PKP4: variants seen among roughly 807,000 people sequenced by gnomAD.
PKP4 encodes plakophilin 4.
PKP4 carries 90 observed loss-of-function variants against 145.1 expected under a neutral mutation model. That is an observed-to-expected ratio of 0.62 (90% CI 0.52 to 0.74). The LOEUF (loss-of-function observed/expected upper bound fraction) is 0.74, where lower values mean the gene tolerates loss of function less well. PKP4 is among the 30% of genes least tolerant of loss of function. The pLI is 0.00. For missense variants in PKP4, 1,340 were observed against 1,482.7 expected, an observed-to-expected ratio of 0.90 and a Z score of 1.58; for synonymous variants, 563 against 577.2, an observed-to-expected ratio of 0.98 and a Z score of 0.35.
At chr2:158,623,903 G>A (rs2052506611) in intron 6 of PKP4, among the ~76,000 whole-genome samples, 1 of 152,118 alleles carries the variant, frequency 6.6e-6, no homozygotes, top group Non-Finnish European at 1.5e-5. Context: ...GTTTCCCTTG[G>A]GCCCCTTCTC....
chr2:158,671,201 G>C (rs2057527621), intron 17 of PKP4, among the ~76,000 whole-genome samples: 1 of 152,070 alleles, frequency 6.6e-6, no homozygotes, highest in Non-Finnish European at 1.5e-5. Flanking sequence ...GACAGTGCTG[G>C]AACTCACATT....
rs1393533998 is a variant in PKP4, at chr2:158,526,005, C to G, written c.-5-7175C>G. Among the ~76,000 whole-genome samples the G allele has an allele frequency of 2.0e-5, 3 of 151,160 alleles. No homozygotes were observed. In the East Asian group the frequency reaches 6.0e-4, roughly 30 times the overall value. On this transcript the variant is annotated intron_variant, in intron 1 of 21. Transcript: ENST00000389759. Reference sequence around the variant, plus strand: ...TGGCAATAATCAATAGTTTACCAACCAAAAAGAGTCCAGGACCAGATGGAT... The same window carrying G: ...TGGCAATAATCAATAGTTTACCAACGAAAAAGAGTCCAGGACCAGATGGAT...
In PKP4 at chr2:158,510,559, A is replaced by G. The variant is rs532599104; in HGVS notation, c.-5-22621A>G. The stretch of plus-strand genomic sequence containing the variant: ...GAACACATTAATGAATGTCTTCTTA[A>G]GGATGAGGCACTTGCAAAGTGCCTG... On this transcript the variant is annotated intron_variant, in intron 1 of 21. Coordinates refer to ENST00000389759, the MANE Select transcript of PKP4 (RefSeq NM_003628.6). Among the ~76,000 whole-genome samples the G allele has an allele frequency of 1.3e-4, 20 of 152,356 alleles. 1 individual carries two copies. In the South Asian group the frequency reaches 3.3e-3, roughly 25 times the overall value.
At chr2:158,608,129 T>C (rs2050803995) in intron 4 of PKP4, among the ~76,000 whole-genome samples, 1 of 152,238 alleles carries the variant, frequency 6.6e-6, no homozygotes, top group African/African-American at 2.4e-5. Flanking sequence ...GTGATTATTA[T>C]GCATTACATG....
At chr2:158,635,525 C>T (rs1018748891) in intron 9 of PKP4, among the ~76,000 whole-genome samples, 3 of 152,112 alleles carry the variant, frequency 2.0e-5, no homozygotes, top group Non-Finnish European at 2.9e-5. Context: ...GTAATTTAGA[C>T]CATCCCTTGG....
chr2:158,673,726 T>C lies in PKP4; in HGVS notation c.2974T>C (p.Trp992Arg). 6.2e-7 allele frequency: 1 copy of C among 1,613,398 alleles called. No individual in the cohort carries two copies. The highest frequency in any genetic ancestry group is 8.5e-7 in the Non-Finnish European group (1 of 1,179,516). ...KAAAQVLNTL[W>R]QYRDLRSIYK... ...AGCAGCCCAGGTCTTGAATACATTA[T>C]GGCAATATCGGGACCTCCGGAGCAT... Residue 992 changes from tryptophan to arginine, a missense_variant, in exon 18 of 22, where the codon TGG (tryptophan) becomes CGG (arginine). Coordinates refer to ENST00000389759, the MANE Select transcript of PKP4 (RefSeq NM_003628.6).
intron 7 of PKP4, among the ~76,000 whole-genome samples, chr2:158,628,335 C>A (rs59277016): frequency 0.068 from 10,302 of 152,160 alleles, 857 homozygotes; most frequent in African/African-American, 0.19. Flanking sequence ...ATTCCAGTTT[C>A]AATAATAGTA....
intron 11 of PKP4, among the ~76,000 whole-genome samples, chr2:158,652,878 A>G (rs1325824876): frequency 6.6e-6 from 1 of 152,176 alleles, no homozygotes; most frequent in Non-Finnish European, 1.5e-5. Flanking sequence ...AGCATCCATT[A>G]TCTCCTTGAT....
At chr2:158,640,827 T>C in intron 10 of PKP4, 68 bp downstream of exon 10, 2 of 1,542,184 alleles carry the variant, frequency 1.3e-6, no homozygotes, top group Non-Finnish European at 8.9e-7. Context: ...CACGTGCTTC[T>C]GTATTTAAGA....
intron 4 of PKP4, among the ~76,000 whole-genome samples, chr2:158,619,197 T>A (rs1288851559): frequency 6.6e-6 from 1 of 152,218 alleles, no homozygotes; most frequent in African/African-American, 2.4e-5. Flanking sequence ...TAAGAATGTT[T>A]AGAACTCTGG....
At chr2:158,639,190 TC>T (rs1342616602) in intron 9 of PKP4, among the ~76,000 whole-genome samples, 3 of 152,226 alleles carry the variant, frequency 2.0e-5, no homozygotes, top group Non-Finnish European at 4.4e-5. Flanking sequence ...AAAGGATAAC[TC>T]CTGTTATTGG....
intron 11 of PKP4, among the ~76,000 whole-genome samples, chr2:158,656,706 T>C (rs1361267597): frequency 6.6e-6 from 1 of 152,096 alleles, no homozygotes; most frequent in Non-Finnish European, 1.5e-5. Context: ...GTCCGACCAT[T>C]CCCTCCACAG....
intron 1 of PKP4, among the ~76,000 whole-genome samples, chr2:158,467,255 A>G (rs1486794967): frequency 1.3e-5 from 2 of 152,216 alleles, no homozygotes; most frequent in African/African-American, 4.8e-5. Flanking sequence ...CTTGAAAACT[A>G]TATTACAATG....
rs893628821 is a variant in PKP4, at chr2:158,612,957, C to T, written c.281-8033C>T. Among the ~76,000 whole-genome samples, 7 of 152,096 alleles carry T rather than the reference C, an allele frequency of 4.6e-5. 1 individual carries two copies. In the South Asian group the frequency reaches 1.4e-3, roughly 32 times the overall value. The stretch of plus-strand genomic sequence containing the variant: ...ATAGCTGGCTCAAAATGATCAGATA[C>T]ATTTTTCTATCATGAAAAATGCAAC... On this transcript the variant is annotated intron_variant, in intron 4 of 21. Coordinates refer to ENST00000389759, the MANE Select transcript of PKP4 (RefSeq NM_003628.6).
chr2:158,564,009 GTCTTT>G (rs1193036020), intron 2 of PKP4, among the ~76,000 whole-genome samples: 22 of 152,048 alleles, frequency 1.4e-4, no homozygotes, highest in African/African-American at 2.4e-4. Flanking sequence ...AATACTTCGT[GTCTTT>G]TCTTTTCTTT....
At chr2:158,655,406 A>G (rs1337080950) in intron 11 of PKP4, among the ~76,000 whole-genome samples, 2 of 148,588 alleles carry the variant, frequency 1.3e-5, no homozygotes, top group African/African-American at 2.5e-5. Flanking sequence ...GACAGAAACA[A>G]CAAAAAAAAA....
chr2:158,458,706 T>G lies in PKP4; in HGVS notation c.-6+1488T>G, dbSNP rs941059860. On this transcript the variant is annotated intron_variant, in intron 1 of 21. Coordinates refer to ENST00000389759, the MANE Select transcript of PKP4 (RefSeq NM_003628.6). Reference sequence around the variant, plus strand: ...GGTATCCTAAGAAGTGTAATTTTTTTCCCTCGTCATACTGGGCTGTGTTTA... The same window carrying G: ...GGTATCCTAAGAAGTGTAATTTTTTGCCCTCGTCATACTGGGCTGTGTTTA... 2.0e-5 allele frequency among the ~76,000 whole-genome samples: 3 copies of G among 152,164 alleles called. No individual in the cohort carries two copies. The East Asian group carries it at 5.8e-4, about 29-fold the overall frequency.
chr2:158,498,314 A>C (rs985166419), intron 1 of PKP4, among the ~76,000 whole-genome samples: 6 of 152,120 alleles, frequency 3.9e-5, no homozygotes, highest in African/African-American at 1.4e-4. Context: ...AGTCAATGTA[A>C]ATATCAAATT....
At chr2:158,486,181 A>G (rs889579885) in intron 1 of PKP4, among the ~76,000 whole-genome samples, 2 of 152,226 alleles carry the variant, frequency 1.3e-5, no homozygotes, top group Non-Finnish European at 2.9e-5. Flanking sequence ...ATGATAGGCT[A>G]TAATTAAACT....
Sources: allele counts gnomAD v4.1 joint callset (sites outside exome capture counted in the v4.1 genomes callset), GRCh38; gene constraint gnomAD v4.1.1; transcripts MANE v1.5; gene names NCBI Gene and HGNC (gene_info 2026-07-23, HGNC 2026-07-21).